TMEM164: variants seen among roughly 807,000 people sequenced by gnomAD.
TMEM164 encodes RP13-360B22.2.
TMEM164 carries 4 observed loss-of-function variants against 18.8 expected under a neutral mutation model. That is an observed-to-expected ratio of 0.21 (90% CI 0.10 to 0.49). The LOEUF (loss-of-function observed/expected upper bound fraction) is 0.49. TMEM164 is among the 20% of genes least tolerant of loss of function. The pLI is 0.98. For missense variants in TMEM164, 108 were observed against 239.9 expected (o/e 0.45, Z 3.63); for synonymous variants, 86 against 101.7 (o/e 0.85, Z 0.93).
chrX:110,129,258 T>A (rs1218026677), intron 4 of TMEM164, among the ~76,000 whole-genome samples: 2 of 112,916 alleles, frequency 1.8e-5, no homozygotes, highest in East Asian at 5.5e-4. Context: ...TGAGAGTAGA[T>A]TTTCCTTATC....
intron 5 of TMEM164, among the ~76,000 whole-genome samples, chrX:110,150,175 G>C (rs1175758969): frequency 8.9e-6 from 1 of 112,424 alleles, no homozygotes; most frequent in Non-Finnish European, 1.9e-5. Context: ...GTTTGGAGGA[G>C]AGTTCCCTGA....
chrX:110,164,603 A>G (rs1398240140), intron 5 of TMEM164, among the ~76,000 whole-genome samples: 1 of 111,551 alleles, frequency 9.0e-6, no homozygotes, highest in African/African-American at 3.3e-5. Flanking sequence ...CTGACAGACC[A>G]GGATGCTGGA....
At chrX:110,105,871 T>C (rs1205237094) in intron 3 of TMEM164, among the ~76,000 whole-genome samples, 1 of 110,968 alleles carries the variant, frequency 9.0e-6, no homozygotes, top group Admixed American at 9.6e-5. Flanking sequence ...TGGCGACATC[T>C]GAGCGTGACT....
chrX:110,084,272 G>A (rs1399132757), intron 3 of TMEM164, among the ~76,000 whole-genome samples: 54 of 102,023 alleles, frequency 5.3e-4, no homozygotes, highest in Non-Finnish European at 3.1e-4. Flanking sequence ...AGGAGGCTGA[G>A]GCAGAAGGAT....
At chrX:110,158,226 T>C (rs771663531) in intron 5 of TMEM164, among the ~76,000 whole-genome samples, 1 of 111,621 alleles carries the variant, frequency 9.0e-6, no homozygotes, top group Non-Finnish European at 1.9e-5. Flanking sequence ...TTAGTGGCTA[T>C]TGGACAACAT....
chrX:110,108,329 AG>A (rs952234908), intron 3 of TMEM164, among the ~76,000 whole-genome samples: 8 of 111,011 alleles, frequency 7.2e-5, no homozygotes, highest in African/African-American at 2.6e-4. Flanking sequence ...CCTCACAAGC[AG>A]GGTTTGTTCC....
At chrX:110,003,395 C>G (rs1001230046) in intron 1 of TMEM164, 106 bp from the exon 2 acceptor site, 20 of 154,476 alleles carry the variant, frequency 1.3e-4, no homozygotes, top group Non-Finnish European at 2.0e-4. Context: ...GCCACTGCCC[C>G]GTTCCCGTTT....
At chrX:110,096,637 G>A (rs1222890675) in intron 3 of TMEM164, among the ~76,000 whole-genome samples, 1 of 112,243 alleles carries the variant, frequency 8.9e-6, no homozygotes, top group Admixed American at 9.4e-5. Context: ...TGTTCTTCCC[G>A]GGTGAGGTGA....
intron 5 of TMEM164, among the ~76,000 whole-genome samples, chrX:110,160,987 C>G (rs1461057182): frequency 8.9e-6 from 1 of 112,186 alleles, no homozygotes; most frequent in Non-Finnish European, 1.9e-5. Context: ...GGATTACAGG[C>G]GTGAGCCACC....
At chrX:110,141,193 G>T (rs1222619743) in intron 4 of TMEM164, among the ~76,000 whole-genome samples, 1 of 111,689 alleles carries the variant, frequency 9.0e-6, no homozygotes, top group South Asian at 3.7e-4. Context: ...ATTATTGATT[G>T]CCCTTTCCCC....
chrX:110,077,564 C>T (rs1425970547), intron 3 of TMEM164, among the ~76,000 whole-genome samples: 1 of 111,921 alleles, frequency 8.9e-6, no homozygotes, highest in South Asian at 3.7e-4. Flanking sequence ...GGGCTGTGTA[C>T]TAAAATGTGT....
rs149350246 is a variant in TMEM164 at position 110,006,984 on chromosome X, G to A, written c.390+2820G>A. 5.9e-4 allele frequency among the ~76,000 whole-genome samples: 66 copies of A among 112,400 alleles called. No homozygotes were observed. The East Asian group carries it at 8.9e-3, about 15-fold the overall frequency. ...ATGTGTCTCTCAACAGGATGACTCA[G>A]TTTTGGCTTTATAAAAAGGCCTTCT... On this transcript the variant is annotated intron_variant, in intron 2 of 6. Transcript: ENST00000372068.
At chrX:110,154,171 T>C (rs1040403676) in intron 5 of TMEM164, among the ~76,000 whole-genome samples, 3 of 111,802 alleles carry the variant, frequency 2.7e-5, no homozygotes, top group East Asian at 2.8e-4. Flanking sequence ...TTTCCTCTTA[T>C]GTTAGAGTTG....
At chrX:110,135,248 A>T (rs1413233394) in intron 4 of TMEM164, among the ~76,000 whole-genome samples, 1 of 110,258 alleles carries the variant, frequency 9.1e-6, no homozygotes, top group East Asian at 2.8e-4. Context: ...AAAAAAAAAA[A>T]GGATCATGCC....
intron 2 of TMEM164, among the ~76,000 whole-genome samples, chrX:110,059,768 G>A (rs1936023663): frequency 8.9e-6 from 1 of 112,052 alleles, no homozygotes; most frequent in African/African-American, 3.3e-5. Flanking sequence ...TATCATTAGT[G>A]TTAGTGTATT....
intron 2 of TMEM164, chrX:110,046,209 C>T (rs959765687): frequency 9.3e-6 from 7 of 753,127 alleles, no homozygotes; most frequent in African/African-American, 2.3e-5. Flanking sequence ...GCTTTGAATC[C>T]GTGTTCCTGG....
chrX:110,044,108 G>C (rs1409221238), intron 2 of TMEM164, among the ~76,000 whole-genome samples: 4 of 112,351 alleles, frequency 3.6e-5, no homozygotes, highest in East Asian at 2.8e-4. Context: ...TCTCCCCCCA[G>C]AGGCTACTAT....
intron 5 of TMEM164, among the ~76,000 whole-genome samples, chrX:110,155,884 T>C (rs2067009559): frequency 8.9e-6 from 1 of 112,051 alleles, no homozygotes; most frequent in South Asian, 3.7e-4. Flanking sequence ...TCCGATTCTA[T>C]CACTTTACCT....
At chrX:110,087,150 C>T (rs759081585) in intron 3 of TMEM164, among the ~76,000 whole-genome samples, 42 of 111,658 alleles carry the variant, frequency 3.8e-4, no homozygotes, top group Non-Finnish European at 3.4e-4. Flanking sequence ...TGAGCTCTTC[C>T]CAGGACTAGA....
Sources: gnomAD v4.1 joint callset for allele counts (sites outside exome capture counted in the v4.1 genomes callset) on GRCh38, gnomAD v4.1.1 for gene constraint, MANE v1.5 for transcripts, NCBI Gene and HGNC (gene_info 2026-07-23, HGNC 2026-07-21) for gene names.